Variants in TTC29 observed in about 807,000 individuals in gnomAD.
TTC29 encodes tetratricopeptide repeat protein 29.
TTC29 carries 49 observed loss-of-function variants against 58.1 expected under a neutral mutation model. That is an observed-to-expected ratio of 0.84 (90% CI 0.67 to 1.07). The LOEUF (loss-of-function observed/expected upper bound fraction) is 1.07, where lower values mean the gene tolerates loss of function less well. TTC29 is among the 50% of genes least tolerant of loss of function. TTC29 has a pLI of 0.00. For missense variants in TTC29, 582 were observed against 555.6 expected (o/e 1.05, Z -0.48); for synonymous variants, 209 against 196.8 (o/e 1.06, Z -0.52).
chr4:146,845,016 G>A (rs572187344), intron 8 of TTC29, among the ~76,000 whole-genome samples: 78 of 151,452 alleles, frequency 5.2e-4, no homozygotes, highest in African/African-American at 1.7e-3. Flanking sequence ...TCAGCCCCTC[G>A]TCTTCCAGGG....
chr4:146,834,409 T>C (rs2150158880), intron 8 of TTC29, among the ~76,000 whole-genome samples: 1 of 152,318 alleles, frequency 6.6e-6, no homozygotes, highest in South Asian at 2.1e-4. Context: ...AAATATTTCT[T>C]ACAAATGTAT....
intron 4 of TTC29, among the ~76,000 whole-genome samples, chr4:146,919,908 AT>A (rs779274533): frequency 2.0e-5 from 3 of 150,276 alleles, no homozygotes; most frequent in Admixed American, 6.7e-5. Flanking sequence ...AGCTCACTGC[AT>A]TTTTTTTTAC....
intron 11 of TTC29, among the ~76,000 whole-genome samples, chr4:146,758,246 G>A (rs1456674941): frequency 2.6e-5 from 4 of 152,066 alleles, no homozygotes; most frequent in African/African-American, 9.7e-5. Context: ...GATGAAGAGG[G>A]ACATTATATA....
chr4:146,723,293 A>C (rs1743512048), intron 11 of TTC29, among the ~76,000 whole-genome samples: 1 of 152,134 alleles, frequency 6.6e-6, no homozygotes, highest in Non-Finnish European at 1.5e-5. Context: ...AGAATCCTAG[A>C]AGAAAACAGG....
intron 11 of TTC29, among the ~76,000 whole-genome samples, chr4:146,750,182 T>A (rs1374936740): frequency 6.6e-6 from 1 of 152,116 alleles, no homozygotes; most frequent in East Asian, 1.9e-4. Context: ...TAATTTTTTG[T>A]ATTTTTAGCA....
intron 11 of TTC29, among the ~76,000 whole-genome samples, chr4:146,743,752 CA>C (rs760526301): frequency 1.5e-4 from 23 of 152,306 alleles, no homozygotes; most frequent in Non-Finnish European, 2.8e-4. Flanking sequence ...TTTAAATTGA[CA>C]GAGAATTTCA....
intron 11 of TTC29, among the ~76,000 whole-genome samples, chr4:146,790,183 C>CTT (rs888891230): frequency 6.9e-6 from 1 of 145,748 alleles, no homozygotes; most frequent in Non-Finnish European, 1.5e-5. Flanking sequence ...CAATCACTTT[C>CTT]TTTTTTTTTT....
chr4:146,711,610 C>T (rs1440905496), intron 11 of TTC29, among the ~76,000 whole-genome samples: 1 of 152,020 alleles, frequency 6.6e-6, no homozygotes, highest in Non-Finnish European at 1.5e-5. Flanking sequence ...ATAAATACTG[C>T]GTATAAACTA....
At chr4:146,756,288 A>C (rs1238927390) in intron 11 of TTC29, among the ~76,000 whole-genome samples, 1 of 146,702 alleles carries the variant, frequency 6.8e-6, no homozygotes, top group Non-Finnish European at 1.5e-5. Flanking sequence ...AAAAAAAAAA[A>C]ATCTGTAGTC....
chr4:146,825,791 T>C (rs1455343340), intron 9 of TTC29, among the ~76,000 whole-genome samples: 1 of 152,238 alleles, frequency 6.6e-6, no homozygotes, highest in Non-Finnish European at 1.5e-5. Flanking sequence ...TGCTCCTGCA[T>C]TGGGTGCATA....
chr4:146,711,488 A>G (rs1272155609), intron 11 of TTC29, among the ~76,000 whole-genome samples: 2 of 152,166 alleles, frequency 1.3e-5, no homozygotes, highest in Non-Finnish European at 2.9e-5. Context: ...ATTGTCAAAA[A>G]GTTGATCACC....
chr4:146,856,299 T>C (rs1434528041), intron 8 of TTC29, among the ~76,000 whole-genome samples: 2 of 152,154 alleles, frequency 1.3e-5, no homozygotes, highest in Non-Finnish European at 2.9e-5. Context: ...ACTGTAGCAG[T>C]ACTTTTTAAA....
chr4:146,742,722 C>T (rs1411141677), intron 11 of TTC29, among the ~76,000 whole-genome samples: 8 of 135,652 alleles, frequency 5.9e-5, no homozygotes, highest in African/African-American at 2.2e-4. Context: ...CTTCCCTCCC[C>T]TCCCTTCTGC....
chr4:146,829,801 T>C (rs1728041430), intron 9 of TTC29, among the ~76,000 whole-genome samples: 1 of 152,176 alleles, frequency 6.6e-6, no homozygotes, highest in Non-Finnish European at 1.5e-5. Context: ...AATTTACAAT[T>C]GGTATGGAAT....
At position 146,833,855 on chromosome 4, in the gene TTC29, C is replaced by A. The variant is rs1360452516; in HGVS notation, c.928G>T (p.Asp310Tyr). ...TCATAGCCTCTCCCCAGACTGAGAT[C>A]ATCATCCAGGTCTGTGGAGATTTTA... ...YCKISTDLDDDLSLGRGYEAI... is the reference protein window; with the variant it reads ...YCKISTDLDDYLSLGRGYEAI... Residue 310 changes from aspartate to tyrosine, a missense_variant, in exon 9 of 13, where the codon GAT becomes TAT. By Grantham distance (160) the Asp-to-Tyr change is radical. Transcript: ENST00000325106. 3 of 1,613,240 alleles carry A rather than the reference C, an allele frequency of 1.9e-6. No homozygotes were observed. The Admixed American group carries it at 5.0e-5, about 27-fold the overall frequency.
At chr4:146,862,281 A>T (rs1230239781) in intron 8 of TTC29, among the ~76,000 whole-genome samples, 5 of 150,874 alleles carry the variant, frequency 3.3e-5, no homozygotes, top group Non-Finnish European at 7.4e-5. Context: ...ATATACACAC[A>T]AAATATATTC....
chr4:146,733,876 T>A (rs950683596), intron 11 of TTC29, among the ~76,000 whole-genome samples: 3 of 152,172 alleles, frequency 2.0e-5, no homozygotes, highest in East Asian at 1.9e-4. Context: ...GGTAATTTTT[T>A]AAAAAATCAG....
At chr4:146,767,212 G>A (rs1011174360) in intron 11 of TTC29, among the ~76,000 whole-genome samples, 1 of 151,888 alleles carries the variant, frequency 6.6e-6, no homozygotes, top group Admixed American at 6.6e-5. Flanking sequence ...GAATCAGAGA[G>A]CCCTGGTTTT....
At chr4:146,845,826 C>T (rs574216344) in intron 8 of TTC29, among the ~76,000 whole-genome samples, 2 of 152,162 alleles carry the variant, frequency 1.3e-5, no homozygotes, top group South Asian at 4.2e-4. Flanking sequence ...ATCACACACA[C>T]ACACACACAC....
Sources: allele counts gnomAD v4.1 joint callset (sites outside exome capture counted in the v4.1 genomes callset), GRCh38; gene constraint gnomAD v4.1.1; transcripts MANE v1.5; gene names NCBI Gene and HGNC (gene_info 2026-07-23, HGNC 2026-07-21).